Variants in RPTOR observed in about 807,000 individuals in gnomAD.
The protein encoded by RPTOR is regulatory-associated protein of mTOR.
A neutral mutation model predicts 169.9 loss-of-function variants in RPTOR; 21 were observed. The ratio of observed to expected loss-of-function variants is 0.12; its 90% confidence interval spans 0.09 to 0.18. The LOEUF (loss-of-function observed/expected upper bound fraction) is 0.18, where lower values mean the gene tolerates loss of function less well. Among genes scored for constraint, RPTOR ranks in the 10% least tolerant of loss-of-function variants. RPTOR has a pLI of 1.00. For missense variants in RPTOR, 1,133 were observed against 1,855.9 expected, an observed-to-expected ratio of 0.61 and a Z score of 7.16; for synonymous variants, 732 against 753.2, an observed-to-expected ratio of 0.97 and a Z score of 0.46.
chr17:80,697,657 G>A (rs1240592276), intron 3 of RPTOR, among the ~76,000 whole-genome samples: 1 of 152,246 alleles, frequency 6.6e-6, no homozygotes, highest in African/African-American at 2.4e-5. Context: ...CTTGTGCAGA[G>A]GCATGGAGTC....
At chr17:80,638,379 T>A (rs1198633534) in intron 2 of RPTOR, among the ~76,000 whole-genome samples, 2 of 151,846 alleles carry the variant, frequency 1.3e-5, no homozygotes, top group Non-Finnish European at 2.9e-5. Flanking sequence ...TTGGGGCTTA[T>A]GGTTTAAAAT....
intron 3 of RPTOR, among the ~76,000 whole-genome samples, chr17:80,699,581 G>T (rs1392811456): frequency 3.9e-5 from 5 of 129,398 alleles, no homozygotes; most frequent in Admixed American, 7.1e-5. Context: ...AGCTAGAGGT[G>T]CTGTGCACAG....
chr17:80,557,633 T>C (rs1219822772), intron 1 of RPTOR, among the ~76,000 whole-genome samples: 1 of 152,086 alleles, frequency 6.6e-6, no homozygotes, highest in Non-Finnish European at 1.5e-5. Context: ...AGTCTAAATA[T>C]ATGGAAAATG....
At position 80,918,483 on chromosome 17, in the gene RPTOR, C is replaced by CGAGCACCCTCGCGGGGGTCATAGCCAT. The variant is rs1322980864; in HGVS notation, c.2521-4203_2521-4177dup. Among the ~76,000 whole-genome samples the CGAGCACCCTCGCGGGGGTCATAGCCAT allele has an allele frequency of 1.5e-4, 12 of 82,588 alleles. No homozygotes were observed. The East Asian group carries it at 2.0e-3, about 13-fold the overall frequency. The allele number at this position is 82,588 out of a possible 152,430, so 54.2% of individuals were successfully genotyped here. ...AGCACCCTCGCCGGAGTCATAGCCA[C>CGAGCACCCTCGCGGGGGTCATAGCCAT]GAGCACCCTCGCGGGGGTCATAGCC... On this transcript the variant is annotated intron_variant, in intron 21 of 33. Coordinates refer to ENST00000306801, the MANE Select transcript of RPTOR (RefSeq NM_020761.3).
At chr17:80,930,734 G>A (rs1020776286) in intron 24 of RPTOR, among the ~76,000 whole-genome samples, 2 of 152,258 alleles carry the variant, frequency 1.3e-5, no homozygotes, top group Non-Finnish European at 2.9e-5. Flanking sequence ...GTGGGTGGAA[G>A]TGGGAGACGT....
chr17:80,830,683 G>A (rs1004175246), intron 9 of RPTOR, among the ~76,000 whole-genome samples: 1 of 152,218 alleles, frequency 6.6e-6, no homozygotes, highest in African/African-American at 2.4e-5. Flanking sequence ...GGTAGTTGAG[G>A]TGAGATCGCA....
At chr17:80,873,715 G>A (rs1317741153) in intron 13 of RPTOR, among the ~76,000 whole-genome samples, 2 of 152,352 alleles carry the variant, frequency 1.3e-5, no homozygotes, top group East Asian at 1.9e-4. Flanking sequence ...GGAGAAAGGG[G>A]AAGATGAGTT....
chr17:80,553,741 T>G (rs529396652), intron 1 of RPTOR, among the ~76,000 whole-genome samples: 222 of 88,458 alleles, frequency 2.5e-3, no homozygotes, highest in African/African-American at 7.2e-3. Context: ...AGGATAGGTG[T>G]TTTTTTTTCT....
In RPTOR at chr17:80,954,474, C is replaced by A. The variant is rs530124726; in HGVS notation, c.3371-3150C>A. 5.3e-4 allele frequency among the ~76,000 whole-genome samples: 73 copies of A among 138,712 alleles called. 1 individual carries two copies. The South Asian group carries it at 0.017, about 31-fold the overall frequency. 91.0% of individuals were successfully genotyped at this position (138,712 alleles called of 152,430 possible). The stretch of plus-strand genomic sequence containing the variant: ...AAAGACAAGGTCTTGCTATGTTGCC[C>A]AGGCTGGTCTTGAACTCCTGGGCTT... On this transcript the variant is annotated intron_variant, in intron 28 of 33. Coordinates refer to ENST00000306801, the MANE Select transcript of RPTOR (RefSeq NM_020761.3).
intron 25 of RPTOR, 174 bp from the exon 26 acceptor site, chr17:80,945,493 G>A (rs1018570352): frequency 1.6e-5 from 7 of 438,222 alleles, no homozygotes; most frequent in African/African-American, 1.2e-4. Flanking sequence ...TCAGGAGGCT[G>A]AGGCAGGAGA....
chr17:80,768,853 T>C (rs1051632860), intron 6 of RPTOR, among the ~76,000 whole-genome samples: 1 of 152,202 alleles, frequency 6.6e-6, no homozygotes, highest in Non-Finnish European at 1.5e-5. Flanking sequence ...ATTTAATCAG[T>C]GACGTTAGGT....
At chr17:80,791,326 G>A (rs1014431622) in intron 6 of RPTOR, 124 bp from the exon 7 acceptor site, 1 of 703,186 alleles carries the variant, frequency 1.4e-6, no homozygotes, top group South Asian at 2.0e-5. Flanking sequence ...GGAAATCTGA[G>A]TGTACTTGTT....
chr17:80,561,648 G>A (rs117273085), intron 1 of RPTOR, among the ~76,000 whole-genome samples: 24,738 of 151,636 alleles, frequency 0.16, 2,321 homozygotes, highest in East Asian at 0.28. Flanking sequence ...GCCCAGGCTG[G>A]TCTTGAACTC....
intron 10 of RPTOR, among the ~76,000 whole-genome samples, chr17:80,840,549 TCTCACCGCACGGCAGCTCACA>T (rs2067622629): frequency 9.4e-6 from 1 of 106,038 alleles, no homozygotes; most frequent in Non-Finnish European, 1.8e-5. Flanking sequence ...GGCAGCTCAC[TCTCACCGCACGGCAGCTCACA>T]CCGCACGGCA....
chr17:80,953,814 T>A (rs2069213216), intron 28 of RPTOR, among the ~76,000 whole-genome samples: 1 of 152,214 alleles, frequency 6.6e-6, no homozygotes, highest in Non-Finnish European at 1.5e-5. Context: ...CGGGGAAGTA[T>A]GTGCCCTCCC....
chr17:80,818,877 T>C (rs1384658437), intron 7 of RPTOR, among the ~76,000 whole-genome samples: 1 of 152,258 alleles, frequency 6.6e-6, no homozygotes, highest in Non-Finnish European at 1.5e-5. Flanking sequence ...CTTGATGGCT[T>C]GGCCATCCAG....
chr17:80,945,646 C>G lies in RPTOR; in HGVS notation c.3026-21C>G, dbSNP rs891400532. On this transcript the variant is annotated intron_variant, in intron 25 of 33. Coordinates refer to ENST00000306801, the MANE Select transcript of RPTOR (RefSeq NM_020761.3). ...AAAGATGCTGGCTCCTGGATCCACT[C>G]TTGTGTGTTTCTTTTGACAGGCATT... 5.4e-6 allele frequency: 8 copies of G among 1,473,528 alleles called. No individual in the cohort carries two copies. The African/African-American group carries it at 8.4e-5, about 16-fold the overall frequency. 91.3% of individuals were successfully genotyped at this position (1,473,528 alleles called of 1,614,324 possible).
chr17:80,884,804 C>T (rs975282168), intron 16 of RPTOR, among the ~76,000 whole-genome samples: 6 of 152,196 alleles, frequency 3.9e-5, no homozygotes, highest in African/African-American at 2.4e-5. Flanking sequence ...TCTGAGCTGC[C>T]CCTGGAGCTG....
chr17:80,728,446 GGTGTGTGT>G (rs71367012), intron 4 of RPTOR, among the ~76,000 whole-genome samples: 1 of 148,176 alleles, frequency 6.7e-6, no homozygotes, highest in South Asian at 2.2e-4. Flanking sequence ...TCCACTCTGG[GGTGTGTGT>G]GTGTGTGTGT....
Sources: allele counts gnomAD v4.1 joint callset (sites outside exome capture counted in the v4.1 genomes callset), GRCh38; gene constraint gnomAD v4.1.1; transcripts MANE v1.5; gene names NCBI Gene and HGNC (gene_info 2026-07-23, HGNC 2026-07-21).